DYM: variants seen among roughly 807,000 people sequenced by gnomAD.
DYM encodes dyggve-Melchior-Clausen syndrome protein.
In DYM, 78 loss-of-function variants were observed where a neutral mutation model predicts 93.1. That is an observed-to-expected ratio of 0.84 (90% CI 0.70 to 1.01). DYM has a LOEUF of 1.01. Ranked by LOEUF, DYM falls within the 50% of genes least tolerant of loss-of-function variation. The pLI is 0.00. For missense variants in DYM, 789 were observed against 845.0 expected, an observed-to-expected ratio of 0.93 and a Z score of 0.82; for synonymous variants, 321 against 319.7, an observed-to-expected ratio of 1.00 and a Z score of -0.04.
At chr18:49,293,322 T>A (rs1204027938) in intron 8 of DYM, among the ~76,000 whole-genome samples, 1 of 152,204 alleles carries the variant, frequency 6.6e-6, no homozygotes, top group Non-Finnish European at 1.5e-5. Flanking sequence ...TAATTTATAA[T>A]CCTTTGGGTG....
intron 15 of DYM, among the ~76,000 whole-genome samples, chr18:49,137,605 G>A: frequency 6.6e-6 from 1 of 152,062 alleles, no homozygotes. Context: ...GAACAATAAG[G>A]GTAGATAATT....
intron 9 of DYM, among the ~76,000 whole-genome samples, chr18:49,286,046 T>A (rs894670539): frequency 6.6e-6 from 1 of 151,980 alleles, no homozygotes; most frequent in African/African-American, 2.4e-5. Context: ...TGTGTTCTAA[T>A]CTTTTTTTTT....
intron 8 of DYM, among the ~76,000 whole-genome samples, chr18:49,322,118 T>C (rs765085103): frequency 6.6e-6 from 1 of 152,178 alleles, no homozygotes; most frequent in African/African-American, 2.4e-5. Flanking sequence ...AGTTCTACTG[T>C]ATGAATTTCT....
At chr18:49,434,823 A>T (rs1028301439) in intron 1 of DYM, among the ~76,000 whole-genome samples, 16 of 152,054 alleles carry the variant, frequency 1.1e-4, no homozygotes, top group Admixed American at 6.6e-5. Flanking sequence ...TTAATTAGCC[A>T]GGTGTGGTGG....
chr18:49,165,696 A>C (rs912508792), intron 14 of DYM, among the ~76,000 whole-genome samples: 3 of 152,184 alleles, frequency 2.0e-5, no homozygotes, highest in Non-Finnish European at 2.9e-5. Context: ...AGTGGGAAGA[A>C]AAATAATTAC....
intron 13 of DYM, among the ~76,000 whole-genome samples, chr18:49,239,496 T>G (rs2093962468): frequency 6.6e-6 from 1 of 152,238 alleles, no homozygotes; most frequent in Non-Finnish European, 1.5e-5. Flanking sequence ...GCTGGTCTCG[T>G]GACCTGCTTT....
At chr18:49,225,257 T>C (rs77855956) in intron 13 of DYM, among the ~76,000 whole-genome samples, 11,942 of 152,170 alleles carry the variant, frequency 0.078, 757 homozygotes, top group East Asian at 0.3. Context: ...AAAACTTACA[T>C]ATCCAAGAAA....
At chr18:49,356,898 A>C (rs1452682422) in intron 6 of DYM, among the ~76,000 whole-genome samples, 1 of 152,220 alleles carries the variant, frequency 6.6e-6, no homozygotes, top group Non-Finnish European at 1.5e-5. Context: ...AAATATTTCC[A>C]AAATGGATTT....
rs368162559 is a variant in DYM at position 49,286,658 on chromosome 18, G to A, written c.764-42C>T. 21 of 1,573,582 alleles carry A rather than the reference G, an allele frequency of 1.3e-5. No individual in the cohort carries two copies. The African/African-American group carries it at 2.4e-4, about 18-fold the overall frequency. ...CCTGTTAGGATGTGCTGCCACCAAT[G>A]AGATGAATGTATTTCTGTAAAGTAT... On this transcript the variant is annotated intron_variant, in intron 8 of 17. Transcript: ENST00000675505.
intron 3 of DYM, among the ~76,000 whole-genome samples, chr18:49,382,571 C>T (rs2068152220): frequency 6.6e-6 from 1 of 152,134 alleles, no homozygotes; most frequent in Non-Finnish European, 1.5e-5. Context: ...AGTAACAACA[C>T]AGGAGGTCCG....
At chr18:49,113,586 A>G (rs2081624746) in intron 16 of DYM, among the ~76,000 whole-genome samples, 1 of 152,234 alleles carries the variant, frequency 6.6e-6, no homozygotes, top group Non-Finnish European at 1.5e-5. Flanking sequence ...CCCACTAAAA[A>G]TAACAGTAGA....
At chr18:49,211,268 ATAAAG>A (rs2092771118) in intron 13 of DYM, among the ~76,000 whole-genome samples, 1 of 152,226 alleles carries the variant, frequency 6.6e-6, no homozygotes, top group Non-Finnish European at 1.5e-5. Flanking sequence ...ATTACAAAAA[ATAAAG>A]TAATAAGAGG....
chr18:49,190,843 T>C (rs189311488), intron 14 of DYM, among the ~76,000 whole-genome samples: 133 of 152,306 alleles, frequency 8.7e-4, no homozygotes, highest in African/African-American at 2.8e-3. Flanking sequence ...TTTATGATGA[T>C]CCATTTCTAC....
intron 17 of DYM, among the ~76,000 whole-genome samples, chr18:49,064,854 T>C (rs557661086): frequency 7.3e-4 from 110 of 151,298 alleles, no homozygotes; most frequent in Non-Finnish European, 1.3e-3. Flanking sequence ...TGTTTTGGAA[T>C]TCAACCTCTT....
chr18:49,148,143 T>G (rs962598957), intron 15 of DYM, among the ~76,000 whole-genome samples: 1 of 151,874 alleles, frequency 6.6e-6, no homozygotes, highest in Non-Finnish European at 1.5e-5. Flanking sequence ...AATTGAACAA[T>G]GAGAACACAT....
At chr18:49,332,585 A>G (rs1568266687) in intron 7 of DYM, among the ~76,000 whole-genome samples, 1 of 152,218 alleles carries the variant, frequency 6.6e-6, no homozygotes, top group Non-Finnish European at 1.5e-5. Flanking sequence ...AAATTATTCA[A>G]TTATTCAATT....
At chr18:49,350,078 T>C (rs1204515984) in intron 6 of DYM, among the ~76,000 whole-genome samples, 1 of 152,206 alleles carries the variant, frequency 6.6e-6, no homozygotes, top group Non-Finnish European at 1.5e-5. Context: ...ATAATCTTTT[T>C]AGGGAATAAA....
intron 8 of DYM, among the ~76,000 whole-genome samples, chr18:49,301,983 CT>C (rs1485545098): frequency 6.6e-6 from 1 of 152,186 alleles, no homozygotes; most frequent in East Asian, 1.9e-4. Context: ...AATCCTACCA[CT>C]TAGGTTTAAC....
rs914487183 is a variant in DYM, at chr18:49,147,166, T to C, written c.1728+16519A>G. The stretch of plus-strand genomic sequence containing the variant: ...ATATGTAGAAAGCTGAAACTGGATC[T>C]CTTCCTTACACCTTACACAAAAATT... On this transcript the variant is annotated intron_variant, in intron 15 of 17. Transcript: ENST00000675505. 6.9e-3 allele frequency among the ~76,000 whole-genome samples: 1,043 copies of C among 150,714 alleles called. 17 individuals are homozygous for C. Among genetic ancestry groups the C allele is most frequent in the African/African-American group, 0.024 (987 of 41,306 alleles).
Sources: gnomAD v4.1 joint callset for allele counts (sites outside exome capture counted in the v4.1 genomes callset) on GRCh38, gnomAD v4.1.1 for gene constraint, MANE v1.5 for transcripts, NCBI Gene and HGNC (gene_info 2026-07-23, HGNC 2026-07-21) for gene names.